GCNT1: variants seen among roughly 807,000 people sequenced by gnomAD.
GCNT1 encodes glucosaminyl (N-acetyl) transferase 1, also known as beta-1,3-galactosyl-O-glycosyl-glycoprotein beta-1,6-N-acetylglucosaminyltransferase.
Under a neutral mutation model 26.2 loss-of-function variants are expected in GCNT1, and 16 were observed. The observed-to-expected ratio is 0.61, with a 90% CI of 0.41 to 0.93. The LOEUF (loss-of-function observed/expected upper bound fraction) is 0.93, where lower values mean the gene tolerates loss of function less well. Ranked by LOEUF, GCNT1 falls within the 40% of genes least tolerant of loss-of-function variation. GCNT1 has a pLI of 0.00. For missense variants in GCNT1, 477 were observed against 526.7 expected (o/e 0.91, Z 0.92); for synonymous variants, 183 against 190.8 (o/e 0.96, Z 0.34).
chr9:76,417,810 C>T (rs762965672), upstream of GCNT1, among the ~76,000 whole-genome samples: 3 of 152,066 alleles, frequency 2.0e-5, no homozygotes, highest in Non-Finnish European at 2.9e-5. Context: ...CTCATAGCAC[C>T]CCAGTAAGAT....
chr9:76,436,372 G>T (rs1485804463), intron 1 of GCNT1, among the ~76,000 whole-genome samples: 1 of 151,864 alleles, frequency 6.6e-6, no homozygotes. Context: ...CAGATCACTT[G>T]AGGTCAGGAG....
intron 2 of GCNT1, among the ~76,000 whole-genome samples, chr9:76,483,763 C>T (rs944161294): frequency 9.9e-5 from 15 of 152,284 alleles, no homozygotes; most frequent in African/African-American, 3.6e-4. Context: ...AAACCCTCCA[C>T]CACACTTGCA....
chr9:76,453,611 A>G (rs1405436736), intron 1 of GCNT1, among the ~76,000 whole-genome samples: 1 of 152,242 alleles, frequency 6.6e-6, no homozygotes, highest in Non-Finnish European at 1.5e-5. Context: ...AAAGGAGCCA[A>G]GAAAAACTCC....
chr9:76,498,264 T>A (rs1160178536), intron 2 of GCNT1, among the ~76,000 whole-genome samples: 3 of 152,344 alleles, frequency 2.0e-5, no homozygotes, highest in African/African-American at 7.2e-5. Context: ...TAGCTATTAG[T>A]AATGCCATTA....
upstream of GCNT1, among the ~76,000 whole-genome samples, chr9:76,458,307 C>T (rs1451809501): frequency 2.6e-5 from 4 of 151,282 alleles, no homozygotes; most frequent in African/African-American, 9.7e-5. Flanking sequence ...CTCAGCCTCC[C>T]GAGTAGCTGG....
chr9:76,426,026 C>T (rs1823253823), intron 1 of GCNT1, among the ~76,000 whole-genome samples: 1 of 152,180 alleles, frequency 6.6e-6, no homozygotes, highest in African/African-American at 2.4e-5. Flanking sequence ...CTTGTAGCCT[C>T]TAGCTGCATG....
chr9:76,461,492 A>T (rs545665229), intron 2 of GCNT1, among the ~76,000 whole-genome samples: 1 of 151,670 alleles, frequency 6.6e-6, no homozygotes, highest in Non-Finnish European at 1.5e-5. Context: ...GCTGAGACGG[A>T]GAATTGCTTG....
At chr9:76,441,397 C>T (rs935248567), upstream of GCNT1, among the ~76,000 whole-genome samples, 3 of 152,092 alleles carry the variant, frequency 2.0e-5, no homozygotes, top group African/African-American at 4.8e-5. Context: ...CTGCCTGCCT[C>T]GGCCTCTCAA....
chr9:76,439,622 T>C (rs1167056468), upstream of GCNT1, among the ~76,000 whole-genome samples: 4 of 152,238 alleles, frequency 2.6e-5, no homozygotes, highest in Non-Finnish European at 4.4e-5. Context: ...TGGTAAAAGC[T>C]GTGTGCGTCT....
intron 1 of GCNT1, among the ~76,000 whole-genome samples, chr9:76,447,080 A>G (rs1349055911): frequency 7.1e-6 from 1 of 140,664 alleles, no homozygotes. Context: ...GTCTGAGCCC[A>G]GGAGATTGAG....
At chr9:76,431,061 G>T (rs1587407359) in intron 1 of GCNT1, among the ~76,000 whole-genome samples, 1 of 152,166 alleles carries the variant, frequency 6.6e-6, no homozygotes, top group Non-Finnish European at 1.5e-5. Flanking sequence ...AGTTCAATTT[G>T]GGTAGTGGAG....
At chr9:76,499,838 T>TA (rs1282045811) in intron 2 of GCNT1, among the ~76,000 whole-genome samples, 1 of 152,200 alleles carries the variant, frequency 6.6e-6, no homozygotes, top group Admixed American at 6.5e-5. Flanking sequence ...TAATTATTGA[T>TA]ACATTATTTT....
In GCNT1 at chr9:76,502,368, G is replaced by A; in HGVS notation, c.-14G>A. 1 of 1,589,298 alleles carries A rather than the reference G, an allele frequency of 6.3e-7. No homozygotes were observed. The highest frequency in any genetic ancestry group is 8.6e-7 in the Non-Finnish European group (1 of 1,160,182). On this transcript the variant is annotated 5_prime_UTR_variant, in exon 4 of 4. Transcript: ENST00000376730. Reference sequence around the variant, plus strand: ...ACTGCCCTTCACAAAGGAAATCCCTGATTATTGTTTGAAATGCTGAGGACG... The same window carrying A: ...ACTGCCCTTCACAAAGGAAATCCCTAATTATTGTTTGAAATGCTGAGGACG...
intron 2 of GCNT1, among the ~76,000 whole-genome samples, chr9:76,464,038 GTT>G (rs67210919): frequency 3.5e-4 from 45 of 129,466 alleles, no homozygotes; most frequent in African/African-American, 4.5e-4. Context: ...CTCTTTTTTT[GTT>G]TTTTTTTTTT....
intron 2 of GCNT1, among the ~76,000 whole-genome samples, chr9:76,468,249 G>A (rs1173281921): frequency 6.6e-6 from 1 of 152,182 alleles, no homozygotes; most frequent in African/African-American, 2.4e-5. Context: ...AGGTGGATAA[G>A]GAGGCAGGGA....
At chr9:76,440,933 G>T (rs1264920231), upstream of GCNT1, among the ~76,000 whole-genome samples, 1 of 151,612 alleles carries the variant, frequency 6.6e-6, no homozygotes, top group African/African-American at 2.4e-5. Context: ...GCATGGTGGT[G>T]CATGCCTGTA....
At chr9:76,433,167 A>G (rs1262562586) in intron 1 of GCNT1, among the ~76,000 whole-genome samples, 1 of 152,162 alleles carries the variant, frequency 6.6e-6, no homozygotes, top group East Asian at 1.9e-4. Context: ...CGGACCAAGA[A>G]CTTGGGACCC....
chr9:76,439,473 A>G (rs7032717), upstream of GCNT1, among the ~76,000 whole-genome samples: 18,826 of 151,820 alleles, frequency 0.12, 1,214 homozygotes, highest in East Asian at 0.19. Flanking sequence ...GATCTGCCCA[A>G]CTTGGCCTCC....
Position 76,477,207 on chromosome 9 carries a change from G to A in GCNT1, c.-290+17030G>A, listed in dbSNP as rs533852706. Among the ~76,000 whole-genome samples, 54 of 151,022 alleles carry A rather than the reference G, an allele frequency of 3.6e-4. 1 individual carries two copies. Among genetic ancestry groups the A allele is most frequent in the African/African-American group, 1.3e-3 (54 of 41,266 alleles). On this transcript the variant is annotated intron_variant, in intron 2 of 3. Transcript: ENST00000376730. ...TGGGATTACAGGCACGAGCCACTGC[G>A]CCCAGCCTCTTAAATTAATTTTTAA...
Sources: gnomAD v4.1 joint callset for allele counts (sites outside exome capture counted in the v4.1 genomes callset) on GRCh38, gnomAD v4.1.1 for gene constraint, MANE v1.5 for transcripts, NCBI Gene and HGNC (gene_info 2026-07-23, HGNC 2026-07-21) for gene names.